Variants in ACOXL observed in about 807,000 individuals in gnomAD.
The protein encoded by ACOXL is acyl-CoA oxidase like, also known as acyl-coenzyme A oxidase-like protein.
In ACOXL, 70 loss-of-function variants were observed where a neutral mutation model predicts 71.9. The observed-to-expected ratio is 0.97, with a 90% CI of 0.80 to 1.19. The LOEUF (loss-of-function observed/expected upper bound fraction) is 1.19. ACOXL is among the 50% of genes most tolerant of loss of function. The pLI is 0.00. For synonymous variants in ACOXL, 253 were observed against 281.6 expected (o/e 0.90, Z 1.02); for missense variants, 703 against 736.3 (o/e 0.95, Z 0.52).
intron 12 of ACOXL, among the ~76,000 whole-genome samples, chr2:110,962,261 A>G (rs2061727879): frequency 6.6e-6 from 1 of 152,234 alleles, no homozygotes; most frequent in Non-Finnish European, 1.5e-5. Flanking sequence ...CTGTAGCCTT[A>G]TGCGGAAATC....
chr2:110,865,295 C>T (rs6744628), intron 10 of ACOXL, among the ~76,000 whole-genome samples: 11,781 of 152,240 alleles, frequency 0.077, 649 homozygotes, highest in Middle Eastern at 0.14. Flanking sequence ...GTGGAGCACA[C>T]GGCAGGTGCG....
chr2:111,068,184 G>A (rs1249551490), intron 16 of ACOXL, among the ~76,000 whole-genome samples: 3 of 152,222 alleles, frequency 2.0e-5, no homozygotes, highest in Non-Finnish European at 4.4e-5. Context: ...CTCAAAGGAT[G>A]AGTTGGAAGC....
chr2:110,987,576 G>C (rs957562584), intron 13 of ACOXL, among the ~76,000 whole-genome samples: 2 of 152,162 alleles, frequency 1.3e-5, no homozygotes, highest in African/African-American at 4.8e-5. Flanking sequence ...CTAGTGAGTG[G>C]CAGAGGTGAG....
chr2:110,756,876 A>T (rs1341251178), intron 1 of ACOXL, among the ~76,000 whole-genome samples: 1 of 151,694 alleles, frequency 6.6e-6, no homozygotes, highest in Non-Finnish European at 1.5e-5. Context: ...TTTACGGGAG[A>T]TTTGCCCCTT....
chr2:110,950,337 A>G (rs1292912393), intron 12 of ACOXL, among the ~76,000 whole-genome samples: 1 of 152,208 alleles, frequency 6.6e-6, no homozygotes, highest in Non-Finnish European at 1.5e-5. Flanking sequence ...GCCAGCAGTA[A>G]AACTGACCTT....
chr2:110,898,387 A>G (rs1351644706), intron 10 of ACOXL, among the ~76,000 whole-genome samples: 1 of 152,238 alleles, frequency 6.6e-6, no homozygotes, highest in Non-Finnish European at 1.5e-5. Flanking sequence ...AAAAAACTAT[A>G]TATCACAGCC....
intron 11 of ACOXL, among the ~76,000 whole-genome samples, chr2:110,922,704 T>G (rs1355586414): frequency 6.6e-6 from 1 of 152,222 alleles, no homozygotes; most frequent in African/African-American, 2.4e-5. Flanking sequence ...TCTCTTGATC[T>G]TAGTTAGACA....
chr2:110,971,063 G>A (rs1373558256), intron 12 of ACOXL, among the ~76,000 whole-genome samples: 3 of 152,118 alleles, frequency 2.0e-5, no homozygotes, highest in African/African-American at 7.2e-5. Context: ...ATTTTCAAAT[G>A]ACACCTTCAA....
intron 17 of ACOXL, among the ~76,000 whole-genome samples, chr2:111,107,735 G>A (rs149566971): frequency 2.0e-5 from 3 of 152,322 alleles, no homozygotes; most frequent in Admixed American, 6.5e-5. Flanking sequence ...TGATCTGCCC[G>A]CCTTGGCTTC....
intron 10 of ACOXL, among the ~76,000 whole-genome samples, chr2:110,846,730 C>T (rs1691931238): frequency 6.6e-6 from 1 of 151,430 alleles, no homozygotes; most frequent in Non-Finnish European, 1.5e-5. Flanking sequence ...ACACCTCTAA[C>T]TCTTGCTAGA....
chr2:110,768,513 T>TGTGTGTGAGAGAGAGA (rs397975396), intron 2 of ACOXL, 49 bp downstream of exon 2: 80 of 929,750 alleles, frequency 8.6e-5, no homozygotes, highest in East Asian at 5.5e-4. Context: ...TGTGTGTGTG[T>TGTGTGTGAGAGAGAGA]GAGAGAGAGA....
chr2:110,790,217 C>T (rs1182307571), intron 3 of ACOXL, among the ~76,000 whole-genome samples: 1 of 152,246 alleles, frequency 6.6e-6, no homozygotes, highest in African/African-American at 2.4e-5. Context: ...CACAGTCTTC[C>T]AGGTAGTGGC....
At chr2:110,832,809 A>G (rs752276520) in intron 9 of ACOXL, among the ~76,000 whole-genome samples, 2 of 152,260 alleles carry the variant, frequency 1.3e-5, no homozygotes, top group Non-Finnish European at 1.5e-5. Flanking sequence ...ACAGATGGCA[A>G]ATAAGCACAT....
chr2:110,978,300 C>T (rs1574360659), intron 12 of ACOXL, among the ~76,000 whole-genome samples: 3 of 152,228 alleles, frequency 2.0e-5, no homozygotes, highest in African/African-American at 4.8e-5. Context: ...CTCACTCCAT[C>T]AAGCCCTTTT....
intron 10 of ACOXL, among the ~76,000 whole-genome samples, chr2:110,896,873 A>G (rs1404222173): frequency 6.6e-6 from 1 of 152,138 alleles, no homozygotes; most frequent in Non-Finnish European, 1.5e-5. Flanking sequence ...CTATCAGCCA[A>G]TAGGATCTAA....
intron 12 of ACOXL, among the ~76,000 whole-genome samples, chr2:110,979,339 T>C (rs1207081591): frequency 6.6e-6 from 1 of 152,146 alleles, no homozygotes; most frequent in Admixed American, 6.5e-5. Context: ...CTGGAGTGAT[T>C]TCTGGATTAT....
At chr2:111,057,794 G>A (rs1039050082) in intron 16 of ACOXL, among the ~76,000 whole-genome samples, 8 of 152,232 alleles carry the variant, frequency 5.3e-5, no homozygotes, top group Non-Finnish European at 1.2e-4. Flanking sequence ...CGCACAGATG[G>A]CAGCAGTATA....
chr2:111,076,911 T>G (rs1395677466), intron 16 of ACOXL, among the ~76,000 whole-genome samples: 1 of 152,204 alleles, frequency 6.6e-6, no homozygotes, highest in African/African-American at 2.4e-5. Context: ...CCAGTCTCTC[T>G]CTCCGTGGTC....
intron 9 of ACOXL, among the ~76,000 whole-genome samples, chr2:110,830,006 AGC>A: frequency 6.6e-6 from 1 of 152,348 alleles, no homozygotes. Context: ...TCCCTGACAA[AGC>A]ACTCATGTTT....
Sources: allele counts gnomAD v4.1 joint callset (sites outside exome capture counted in the v4.1 genomes callset), GRCh38; gene constraint gnomAD v4.1.1; transcripts MANE v1.5; gene names NCBI Gene and HGNC (gene_info 2026-07-23, HGNC 2026-07-21).